Variants in EIF2AK3 observed in about 807,000 individuals in gnomAD.
The protein encoded by EIF2AK3 is eukaryotic translation initiation factor 2 alpha kinase 3.
A neutral mutation model predicts 113.5 loss-of-function variants in EIF2AK3; 50 were observed. The ratio of observed to expected loss-of-function variants is 0.44; its 90% CI spans 0.35 to 0.56. The LOEUF is 0.56. Ranked by LOEUF, EIF2AK3 falls within the 20% of genes least tolerant of loss-of-function variation. The pLI, the probability that EIF2AK3 is intolerant of heterozygous loss-of-function variation, is 0.00. For synonymous variants in EIF2AK3, 448 were observed against 495.4 expected (o/e 0.90, Z 1.27); for missense variants, 1,185 against 1,378.0 (o/e 0.86, Z 2.22).
intron 4 of EIF2AK3, 100 bp from the exon 5 acceptor site, chr2:88,591,152 G>A (rs764392510): frequency 1.1e-4 from 122 of 1,085,260 alleles, no homozygotes; most frequent in Non-Finnish European, 1.2e-4. Flanking sequence ...CTAAAATTAT[G>A]TGATGAGAAA....
intron 11 of EIF2AK3, 140 bp from the exon 12 acceptor site, chr2:88,576,843 G>T: frequency 1.1e-6 from 1 of 935,586 alleles, no homozygotes; most frequent in Non-Finnish European, 1.6e-6. Flanking sequence ...AATAAAATTA[G>T]CCTGAAAAAG....
chr2:88,563,853 C>T (rs529862770), intron 14 of EIF2AK3, among the ~76,000 whole-genome samples: 1 of 152,054 alleles, frequency 6.6e-6, no homozygotes, highest in African/African-American at 2.4e-5. Flanking sequence ...TAGATATACA[C>T]ACACACAGAG....
At chr2:88,561,965 T>C (rs1487237147) in intron 15 of EIF2AK3, among the ~76,000 whole-genome samples, 1 of 152,246 alleles carries the variant, frequency 6.6e-6, no homozygotes, top group African/African-American at 2.4e-5. Context: ...CTTTTAAATA[T>C]ATGAGTGTGT....
intron 1 of EIF2AK3, among the ~76,000 whole-genome samples, chr2:88,616,116 T>A (rs1675562025): frequency 6.6e-6 from 1 of 152,190 alleles, no homozygotes; most frequent in Admixed American, 6.5e-5. Flanking sequence ...AGTCTCTACC[T>A]ACATGTAATT....
intron 1 of EIF2AK3, among the ~76,000 whole-genome samples, chr2:88,619,525 A>G (rs1031963180): frequency 1.3e-5 from 2 of 152,158 alleles, no homozygotes; most frequent in Admixed American, 1.3e-4. Flanking sequence ...CCCACAATCT[A>G]TTCCTGCCAC....
Position 88,575,391 on chromosome 2 carries a change from G to A in EIF2AK3, c.2092C>T (p.Arg698Cys), listed in dbSNP as rs189064501. 90 of 1,613,170 alleles carry A rather than the reference G, an allele frequency of 5.6e-5. No individual in the cohort carries two copies. Among genetic ancestry groups the A allele is most frequent in the South Asian group, 2.4e-4 (22 of 91,090 alleles). Residue 698 changes from arginine to cysteine, a missense_variant, in exon 13 of 17, where the codon CGC becomes TGC. This residue lies in a region of EIF2AK3 where 877 missense variants were observed against 1,024.2 expected (regional missense o/e 0.86). Transcript: ENST00000303236. ...TTTGTAGCGAAAGGATCCATTCTGCGTATTTTAACTGATGGTGCATCCATT... is the reference window on the plus strand; with the variant it reads ...TTTGTAGCGAAAGGATCCATTCTGCATATTTTAACTGATGGTGCATCCATT... ...SPMDAPSVKIRRMDPFATKEH... is the reference protein window; with the variant it reads ...SPMDAPSVKICRMDPFATKEH...
chr2:88,620,471 A>G (rs1675693850), intron 1 of EIF2AK3, among the ~76,000 whole-genome samples: 1 of 152,230 alleles, frequency 6.6e-6, no homozygotes, highest in Non-Finnish European at 1.5e-5. Flanking sequence ...ATTACTATAT[A>G]AGGTTTTATA....
At chr2:88,619,258 T>G (rs1675660712) in intron 1 of EIF2AK3, among the ~76,000 whole-genome samples, 1 of 152,206 alleles carries the variant, frequency 6.6e-6, no homozygotes, top group Non-Finnish European at 1.5e-5. Flanking sequence ...CCTAAAGTGC[T>G]GGGATTATAG....
At chr2:88,603,769 C>A (rs1302665472) in intron 2 of EIF2AK3, among the ~76,000 whole-genome samples, 4 of 152,124 alleles carry the variant, frequency 2.6e-5, no homozygotes, top group Admixed American at 2.0e-4. Flanking sequence ...TCTCAGTTCC[C>A]ATGACACAAG....
At chr2:88,605,687 GAACATA>G (rs1675253182) in intron 2 of EIF2AK3, among the ~76,000 whole-genome samples, 1 of 151,900 alleles carries the variant, frequency 6.6e-6, no homozygotes, top group African/African-American at 2.4e-5. Context: ...CACTTGAATG[GAACATA>G]AACAGTAAAT....
At chr2:88,626,341 G>A (rs62157777) in intron 1 of EIF2AK3, among the ~76,000 whole-genome samples, 5,055 of 152,302 alleles carry the variant, frequency 0.033, 111 homozygotes, top group Middle Eastern at 0.1. Context: ...TAGCGTGCAA[G>A]AATTATCCGG....
intron 3 of EIF2AK3, chr2:88,594,012 G>A (rs1674951245): frequency 1.1e-6 from 1 of 932,170 alleles, no homozygotes; most frequent in Non-Finnish European, 1.3e-6. Flanking sequence ...GAAGTAAACA[G>A]AGATTGAAGT....
rs867529 is a variant in EIF2AK3, at chr2:88,613,755, G to C, written c.407C>G (p.Ser136Cys). 0.28 allele frequency: 452,543 copies of C among 1,612,796 alleles called. 67,908 individuals carry two copies. The highest frequency in any genetic ancestry group is 0.46 in the East Asian group (20,411 of 44,846). ...KQWDLDVGSG[S>C]LVSSSLSKPE... ...TTTGCTAAGGCTGGATGACACCAAG[G>C]AACCGGATCCCACATCCAAATCCCA... is the stretch of plus-strand genomic sequence containing the variant. Residue 136 changes from serine to cysteine, a missense_variant, in exon 2 of 17, where the codon TCC becomes TGC. By Grantham distance (112) the Ser-to-Cys change is moderately radical. Coordinates refer to ENST00000303236, the MANE Select transcript of EIF2AK3 (RefSeq NM_004836.7).
At chr2:88,601,287 C>A (rs1224117453) in intron 2 of EIF2AK3, among the ~76,000 whole-genome samples, 2 of 152,174 alleles carry the variant, frequency 1.3e-5, no homozygotes, top group East Asian at 3.8e-4. Flanking sequence ...TTAACTTGTT[C>A]CTTTATTTCC....
chr2:88,576,729 G>T, intron 11 of EIF2AK3, 26 bp from the exon 12 acceptor site: 1 of 1,612,138 alleles, frequency 6.2e-7, no homozygotes, highest in East Asian at 2.2e-5. Context: ...TATTTAAGGT[G>T]ATGGATATTC....
rs1220868165 is a variant in EIF2AK3, at chr2:88,627,205, C to G, written c.70G>C (p.Ala24Pro). ...CGCCCCGCGGCCACCGTCCTTGCCG[C>G]GAGCCCCAGCAGCAGCAGCAGCAGC... ...LLLLLLLLGL[A>P]ARTVAAGRAR... Residue 24 changes from alanine to proline, a missense_variant, in exon 1 of 17, where the codon GCG becomes CCG. Coordinates refer to ENST00000303236, the MANE Select transcript of EIF2AK3 (RefSeq NM_004836.7). The G allele has an allele frequency of 1.4e-6, 2 of 1,422,942 alleles. No individual in the cohort carries two copies. Among genetic ancestry groups the G allele is most frequent in the African/African-American group, 4.0e-5 (2 of 50,392 alleles). The allele number at this position is 1,422,942 out of a possible 1,614,324, so 88.1% of individuals were successfully genotyped here.
In EIF2AK3 at chr2:88,556,855, T is replaced by C. The variant is rs1673790865; in HGVS notation, c.*881A>G. ...AAATGGATTGATTTCAGAATTTTTA[T>C]AAATAAAACATAAACATATTTACAG... is the stretch of plus-strand genomic sequence containing the variant. On this transcript the variant is annotated 3_prime_UTR_variant, in exon 17 of 17. Coordinates refer to ENST00000303236, the MANE Select transcript of EIF2AK3 (RefSeq NM_004836.7). The C allele has an allele frequency of 1.3e-5, 2 of 152,194 alleles. No homozygotes were observed. Among genetic ancestry groups the C allele is most frequent in the African/African-American group, 4.8e-5 (2 of 41,454 alleles). The allele number at this position is 152,194 out of a possible 1,614,324, so 9.4% of individuals were successfully genotyped here. A position where few individuals can be genotyped will look rare whatever the true frequency, so the allele number is the denominator to read the frequency against.
chr2:88,585,778 G>A, intron 9 of EIF2AK3, 63 bp downstream of exon 9: 4 of 1,516,628 alleles, frequency 2.6e-6, no homozygotes, highest in Non-Finnish European at 3.6e-6. Context: ...GACTGTGATG[G>A]GTTGAGAAGC....
At chr2:88,571,779 T>C (rs1361049006) in intron 13 of EIF2AK3, among the ~76,000 whole-genome samples, 1 of 152,206 alleles carries the variant, frequency 6.6e-6, no homozygotes, top group East Asian at 1.9e-4. Context: ...TCTTCACTAC[T>C]ACTCTATGCT....
Sources: gnomAD v4.1 joint callset for allele counts (sites outside exome capture counted in the v4.1 genomes callset) on GRCh38, gnomAD v4.1.1 for gene constraint, gnomAD v4.1.1 regional missense constraint, MANE v1.5 for transcripts, NCBI Gene and HGNC (gene_info 2026-07-23, HGNC 2026-07-21) for gene names.